Variants in MGAT4C observed in about 807,000 individuals in gnomAD.
The protein encoded by MGAT4C is alpha-1,3-mannosyl-glycoprotein 4-beta-N-acetylglucosaminyltransferase C.
Under a neutral mutation model 40.1 loss-of-function variants are expected in MGAT4C, and 19 were observed. The ratio of observed to expected loss-of-function variants is 0.47; its 90% CI spans 0.33 to 0.70. The LOEUF (loss-of-function observed/expected upper bound fraction) is 0.70. Among genes scored for constraint, MGAT4C ranks in the 30% least tolerant of loss-of-function variants. The pLI, the probability that MGAT4C is intolerant of heterozygous loss-of-function variation, is 0.02. For synonymous variants in MGAT4C, 181 were observed against 187.1 expected, an observed-to-expected ratio of 0.97 and a Z score of 0.27; for missense variants, 491 against 563.2, an observed-to-expected ratio of 0.87 and a Z score of 1.30.
rs986040482 is a variant in MGAT4C, at chr12:85,964,064, G to T, written c.*15225C>A. ...GCAGAAAACAAAACTATAGAAAAAA[G>T]TCAAAGTGACATAAAACAATTACTG... On this transcript the variant is annotated 3_prime_UTR_variant, in exon 5 of 5. Transcript: ENST00000611864. 2 of 151,762 alleles carry T rather than the reference G, an allele frequency of 1.3e-5. No homozygotes were observed. Among genetic ancestry groups the T allele is most frequent in the African/African-American group, 2.4e-5 (1 of 41,358 alleles). The allele number at this position is 151,762 out of a possible 1,614,324, so 9.4% of individuals were successfully genotyped here.
At chr12:86,743,144 G>A (rs891510020) in intron 1 of MGAT4C, among the ~76,000 whole-genome samples, 1 of 150,294 alleles carries the variant, frequency 6.7e-6, no homozygotes, top group Non-Finnish European at 1.5e-5. Context: ...GTGTGTGTGT[G>A]TGTATAGAAG....
intron 2 of MGAT4C, among the ~76,000 whole-genome samples, chr12:86,625,884 T>C (rs1483113495): frequency 1.3e-5 from 2 of 151,978 alleles, no homozygotes; most frequent in South Asian, 2.1e-4. Context: ...AGTAAATATA[T>C]CCATACAATA....
rs1884050453 is a variant in MGAT4C, at chr12:85,977,156, T to G, written c.*2133A>C. ...TCAGCAATGTTTCTTGAAACATTTT[T>G]AAGACATTGATAGACACCAATAGCT... On this transcript the variant is annotated 3_prime_UTR_variant, in exon 5 of 5. Coordinates refer to ENST00000611864, the MANE Select transcript of MGAT4C (RefSeq NM_001351288.2). 6.6e-6 allele frequency: 1 copy of G among 151,392 alleles called. No homozygotes were observed. Among genetic ancestry groups the G allele is most frequent in the African/African-American group, 2.4e-5 (1 of 41,390 alleles). 9.4% of individuals were successfully genotyped at this position (151,392 alleles called of 1,614,324 possible). A position where few individuals can be genotyped will look rare whatever the true frequency, so the allele number is the denominator to read the frequency against.
intron 1 of MGAT4C, among the ~76,000 whole-genome samples, chr12:86,089,505 T>C (rs1872510746): frequency 1.3e-5 from 2 of 151,946 alleles, no homozygotes; most frequent in Non-Finnish European, 1.5e-5. Context: ...GGTTGAATTG[T>C]CAATGCTCAG....
At chr12:86,233,518 C>T (rs1951411039) in intron 1 of MGAT4C, among the ~76,000 whole-genome samples, 1 of 152,142 alleles carries the variant, frequency 6.6e-6, no homozygotes, top group African/African-American at 2.4e-5. Flanking sequence ...TACTAGGTTT[C>T]ACAGTTGTAG....
intron 3 of MGAT4C, among the ~76,000 whole-genome samples, chr12:86,336,556 A>G (rs977579437): frequency 2.0e-5 from 3 of 152,188 alleles, no homozygotes; most frequent in African/African-American, 7.2e-5. Context: ...TGTGTCTGGG[A>G]AAACAGAAGG....
At chr12:86,553,158 A>G (rs1959448559) in intron 2 of MGAT4C, among the ~76,000 whole-genome samples, 1 of 152,162 alleles carries the variant, frequency 6.6e-6, no homozygotes, top group African/African-American at 2.4e-5. Flanking sequence ...TATCTAATAC[A>G]TGGCAATAAA....
intron 1 of MGAT4C, among the ~76,000 whole-genome samples, chr12:86,196,779 C>T (rs1394951382): frequency 6.6e-6 from 1 of 152,178 alleles, no homozygotes; most frequent in Non-Finnish European, 1.5e-5. Flanking sequence ...CTTTAAGGAG[C>T]AAATTTCCAG....
In MGAT4C at chr12:85,979,753, G is replaced by A. The variant is rs775408430; in HGVS notation, c.973C>T (p.Leu325=). The change falls in exon 5 of 5, where the codon CTG becomes TTG. Residue 325 remains leucine, a synonymous_variant. Transcript: ENST00000611864. The part of the protein sequence containing the change: ...YSSYKGTENK[L]KDDDFEEESF... The stretch of plus-strand genomic sequence containing the variant: ...TCCTCTTCAAAATCATCATCCTTCA[G>A]CTTATTCTCCGTCCCTTTGTATGAT... 1 of 1,613,532 alleles carries A rather than the reference G, an allele frequency of 6.2e-7. No individual in the cohort carries two copies. The highest frequency in any genetic ancestry group is 1.7e-5 in the Admixed American group (1 of 59,924).
Position 85,960,181 on chromosome 12 carries a change from C to T in MGAT4C, c.*19108G>A, listed in dbSNP as rs1883035621. The stretch of plus-strand genomic sequence containing the variant: ...GTATGCAGACTTACAAAGGACTACC[C>T]ACTAAGAATAAAAACATGATACAAC... On this transcript the variant is annotated 3_prime_UTR_variant, in exon 5 of 5. Transcript: ENST00000611864. 6.6e-6 allele frequency: 1 copy of T among 151,984 alleles called. No individual in the cohort carries two copies. The highest frequency in any genetic ancestry group is 1.5e-5 in the Non-Finnish European group (1 of 67,926). The allele number at this position is 151,984 out of a possible 1,614,324, so 9.4% of individuals were successfully genotyped here. A position where few individuals can be genotyped will look rare whatever the true frequency, so the allele number is the denominator to read the frequency against.
At chr12:86,679,089 C>G (rs1475264322) in intron 2 of MGAT4C, among the ~76,000 whole-genome samples, 1 of 152,026 alleles carries the variant, frequency 6.6e-6, no homozygotes. Context: ...TCTCCAGTAC[C>G]TGTTGTTTCC....
rs796622700 is a variant in MGAT4C at position 85,969,600 on chromosome 12, CTAAT to C, written c.*9685_*9688del. ...GAAAAAAATGTTTTACATGAAGAAA[CTAAT>C]TATTTAAATTCATTTTTCAACTATT... is the stretch of plus-strand genomic sequence containing the variant. On this transcript the variant is annotated 3_prime_UTR_variant, in exon 5 of 5. Transcript: ENST00000611864. 10 of 151,612 alleles carry C rather than the reference CTAAT, an allele frequency of 6.6e-5. 1 individual carries two copies. Among genetic ancestry groups the C allele is most frequent in the African/African-American group, 2.4e-4 (10 of 41,474 alleles). 9.4% of individuals were successfully genotyped at this position (151,612 alleles called of 1,614,324 possible).
chr12:86,825,118 G>A lies in MGAT4C; in HGVS notation c.-262+13548C>T, dbSNP rs939976832. On this transcript the variant is annotated intron_variant, in intron 1 of 7. Transcript: ENST00000548651. ...AAGATTCAAACTAATGTGAGGTTTC[G>A]GGTGAAGAAATAGAAGGTATGTACT... 5.3e-4 allele frequency among the ~76,000 whole-genome samples: 80 copies of A among 151,124 alleles called. 1 individual carries two copies. The highest frequency in any genetic ancestry group is 1.9e-3 in the African/African-American group (78 of 41,378).
At chr12:86,469,005 A>C (rs1957720928) in intron 2 of MGAT4C, among the ~76,000 whole-genome samples, 1 of 151,920 alleles carries the variant, frequency 6.6e-6, no homozygotes, top group African/African-American at 2.4e-5. Flanking sequence ...TATCCAATTT[A>C]ATTATTTTGT....
chr12:86,567,757 A>T (rs1479510439), intron 2 of MGAT4C, among the ~76,000 whole-genome samples: 1 of 152,178 alleles, frequency 6.6e-6, no homozygotes, highest in Non-Finnish European at 1.5e-5. Flanking sequence ...CAGTTGCAGA[A>T]ATGAGGACTG....
chr12:86,451,894 T>C (rs1489925559), intron 2 of MGAT4C, among the ~76,000 whole-genome samples: 7 of 152,164 alleles, frequency 4.6e-5, no homozygotes, highest in African/African-American at 1.7e-4. Flanking sequence ...AAACTTTCAA[T>C]ATTCTATTTT....
chr12:86,536,328 G>C (rs1462779501), intron 2 of MGAT4C, among the ~76,000 whole-genome samples: 4 of 152,134 alleles, frequency 2.6e-5, no homozygotes, highest in Non-Finnish European at 4.4e-5. Flanking sequence ...ACCTTTGGAA[G>C]TGTAAGTGTC....
intron 1 of MGAT4C, among the ~76,000 whole-genome samples, chr12:86,814,844 C>G (rs1425834302): frequency 6.6e-6 from 1 of 152,044 alleles, no homozygotes; most frequent in Non-Finnish European, 1.5e-5. Flanking sequence ...TAAGCCCTCA[C>G]TAGACACTGA....
At position 86,202,558 on chromosome 12, in the gene MGAT4C, T is replaced by TTGA. The variant is rs576499581; in HGVS notation, c.-57+53680_-57+53681insTCA. On this transcript the variant is annotated intron_variant, in intron 1 of 4. Coordinates refer to ENST00000611864, the MANE Select transcript of MGAT4C (RefSeq NM_001351288.2). Reference sequence around the variant, plus strand: ...TTCTAGATGTATAGGTTGATATTTTTCACCAGTTTGACAAGTTTTAAGCCA... The same window carrying TTGA: ...TTCTAGATGTATAGGTTGATATTTTTTGACACCAGTTTGACAAGTTTTAAGCCA... Among the ~76,000 whole-genome samples the TTGA allele has an allele frequency of 1.2e-3, 184 of 152,184 alleles. 2 individuals are homozygous for TTGA. In the East Asian group the frequency reaches 0.034, roughly 28 times the overall value.
Sources: allele counts gnomAD v4.1 joint callset (sites outside exome capture counted in the v4.1 genomes callset), GRCh38; gene constraint gnomAD v4.1.1; transcripts MANE v1.5; gene names NCBI Gene and HGNC (gene_info 2026-07-23, HGNC 2026-07-21).